FBXL7: variants seen among roughly 807,000 people sequenced by gnomAD.
The protein encoded by FBXL7 is F-box and leucine rich repeat protein 7.
FBXL7 carries 12 observed loss-of-function variants against 38.3 expected under a neutral mutation model. The ratio of observed to expected loss-of-function variants is 0.31; its 90% CI spans 0.20 to 0.51. FBXL7 has a LOEUF of 0.51. Ranked by LOEUF, FBXL7 falls within the 20% of genes least tolerant of loss-of-function variation. The pLI, the probability that FBXL7 is intolerant of heterozygous loss-of-function variation, is 0.98. For missense variants in FBXL7, 567 were observed against 676.4 expected (o/e 0.84, Z 1.79); for synonymous variants, 297 against 300.9 (o/e 0.99, Z 0.13).
chr5:15,509,456 C>G (rs956202384), intron 1 of FBXL7, among the ~76,000 whole-genome samples: 1 of 152,156 alleles, frequency 6.6e-6, no homozygotes, highest in African/African-American at 2.4e-5. Flanking sequence ...GACTCTACTT[C>G]CCCAGTGTGC....
chr5:15,801,402 G>C (rs1012992197), intron 2 of FBXL7, among the ~76,000 whole-genome samples: 1 of 152,136 alleles, frequency 6.6e-6, no homozygotes, highest in African/African-American at 2.4e-5. Context: ...TTAATGGAAA[G>C]CTAATTGTAA....
At chr5:15,774,865 T>A (rs1736820165) in intron 2 of FBXL7, among the ~76,000 whole-genome samples, 1 of 152,166 alleles carries the variant, frequency 6.6e-6, no homozygotes, top group East Asian at 1.9e-4. Flanking sequence ...TTGTTTCTCT[T>A]GACCCCTGAG....
intron 2 of FBXL7, among the ~76,000 whole-genome samples, chr5:15,867,060 C>T (rs1207351502): frequency 6.6e-6 from 1 of 152,146 alleles, no homozygotes; most frequent in Non-Finnish European, 1.5e-5. Flanking sequence ...TTCCACTCTA[C>T]ATATAAATCC....
intron 2 of FBXL7, among the ~76,000 whole-genome samples, chr5:15,642,533 A>C (rs1234202689): frequency 6.6e-6 from 1 of 152,180 alleles, no homozygotes; most frequent in Admixed American, 6.5e-5. Context: ...AGTCCATGAA[A>C]CCTGCTCTTC....
chr5:15,709,240 A>G (rs1374399064), intron 2 of FBXL7, among the ~76,000 whole-genome samples: 1 of 152,172 alleles, frequency 6.6e-6, no homozygotes, highest in Non-Finnish European at 1.5e-5. Flanking sequence ...GGCCATTAAA[A>G]ATGCAAATCC....
chr5:15,883,997 C>T (rs748916232), intron 2 of FBXL7, among the ~76,000 whole-genome samples: 2 of 152,130 alleles, frequency 1.3e-5, no homozygotes, highest in Non-Finnish European at 2.9e-5. Flanking sequence ...TGAGAGGGTA[C>T]AGAAGTCAAC....
chr5:15,885,295 G>T (rs982241172), intron 2 of FBXL7, among the ~76,000 whole-genome samples: 3 of 152,204 alleles, frequency 2.0e-5, no homozygotes, highest in Admixed American at 2.0e-4. Context: ...TGCTTCATCA[G>T]AGTGAGCAAG....
chr5:15,636,577 A>G (rs1741193453), intron 2 of FBXL7, among the ~76,000 whole-genome samples: 7 of 152,204 alleles, frequency 4.6e-5, no homozygotes, highest in Admixed American at 3.9e-4. Flanking sequence ...AGATTAAAGC[A>G]GGGAATCATT....
chr5:15,576,144 G>A (rs1359963141), intron 1 of FBXL7, among the ~76,000 whole-genome samples: 4 of 140,028 alleles, frequency 2.9e-5, no homozygotes, highest in South Asian at 2.3e-4. Context: ...GTGCAATGGC[G>A]TGATCTTGGC....
chr5:15,919,133 A>G (rs1206342597), intron 2 of FBXL7, among the ~76,000 whole-genome samples: 2 of 152,190 alleles, frequency 1.3e-5, no homozygotes, highest in African/African-American at 4.8e-5. Context: ...GGAAAAAGAC[A>G]ACTTATAATA....
At chr5:15,786,699 G>C (rs554543394) in intron 2 of FBXL7, among the ~76,000 whole-genome samples, 1 of 152,236 alleles carries the variant, frequency 6.6e-6, no homozygotes, top group Non-Finnish European at 1.5e-5. Flanking sequence ...GGTATTATTT[G>C]ATTAAATTTA....
intron 2 of FBXL7, among the ~76,000 whole-genome samples, chr5:15,640,255 T>C (rs1741315026): frequency 6.6e-6 from 1 of 152,094 alleles, no homozygotes; most frequent in Non-Finnish European, 1.5e-5. Context: ...AAGGGTCCTT[T>C]CTTGCGTTTC....
At chr5:15,770,999 A>G (rs1318801379) in intron 2 of FBXL7, among the ~76,000 whole-genome samples, 1 of 152,190 alleles carries the variant, frequency 6.6e-6, no homozygotes, top group African/African-American at 2.4e-5. Flanking sequence ...TAAACCTTTT[A>G]ACGGAATTTC....
At chr5:15,889,087 A>C (rs1369662221) in intron 2 of FBXL7, among the ~76,000 whole-genome samples, 1 of 152,104 alleles carries the variant, frequency 6.6e-6, no homozygotes, top group Non-Finnish European at 1.5e-5. Context: ...AGCAGAAAAA[A>C]GTGGGGCGGG....
chr5:15,738,347 C>CA (rs1261924837), intron 2 of FBXL7, among the ~76,000 whole-genome samples: 1 of 152,002 alleles, frequency 6.6e-6, no homozygotes, highest in African/African-American at 2.4e-5. Flanking sequence ...AACTATTTTC[C>CA]AAAAAATATA....
At chr5:15,880,556 G>T (rs1740402450) in intron 2 of FBXL7, among the ~76,000 whole-genome samples, 2 of 151,892 alleles carry the variant, frequency 1.3e-5, no homozygotes, top group Non-Finnish European at 2.9e-5. Flanking sequence ...TTAAGCTTAG[G>T]TTTTGTATAT....
At chr5:15,914,579 TG>T (rs1741532920) in intron 2 of FBXL7, among the ~76,000 whole-genome samples, 1 of 152,138 alleles carries the variant, frequency 6.6e-6, no homozygotes, top group East Asian at 1.9e-4. Flanking sequence ...ACTAAGTGTA[TG>T]TACTAGCTAA....
intron 1 of FBXL7, among the ~76,000 whole-genome samples, chr5:15,544,172 C>CT (rs1737836862): frequency 6.6e-6 from 1 of 152,212 alleles, no homozygotes; most frequent in South Asian, 2.1e-4. Context: ...TGCTGCTGCT[C>CT]TGACACTGCT....
At chr5:15,931,800 C>T (rs911329211) in intron 3 of FBXL7, among the ~76,000 whole-genome samples, 4 of 152,094 alleles carry the variant, frequency 2.6e-5, no homozygotes, top group Admixed American at 6.6e-5. Context: ...GCTTGTGTCC[C>T]TCTCCCTCCT....
Sources: allele counts gnomAD v4.1 joint callset (sites outside exome capture counted in the v4.1 genomes callset), GRCh38; gene constraint gnomAD v4.1.1; transcripts MANE v1.5; gene names NCBI Gene and HGNC (gene_info 2026-07-23, HGNC 2026-07-21).